The following EDA variants were observed in gnomAD, a reference collection of about 807,000 sequenced individuals.
EDA encodes ectodysplasin-A.
EDA carries 2 observed loss-of-function variants against 23.6 expected under a neutral mutation model. The observed-to-expected ratio is 0.08, with a 90% CI of 0.03 to 0.27. The LOEUF is 0.27. Among genes scored for constraint, EDA ranks in the 10% least tolerant of loss-of-function variants. The pLI, the probability that EDA is intolerant of heterozygous loss-of-function variation, is 1.00. For missense variants in EDA, 229 were observed against 324.2 expected (o/e 0.71, Z 2.26); for synonymous variants, 131 against 132.0 (o/e 0.99, Z 0.05).
rs777740103 is a variant in EDA, at chrX:69,678,955, G to C, written c.396+62251G>C. ...CCCATTCAGTATGATATTGGCTGTG[G>C]GTTTGTCATAGATAGCTCTTATTAT... On this transcript the variant is annotated intron_variant, in intron 1 of 7. Transcript: ENST00000374552. Among the ~76,000 whole-genome samples, 125 of 91,467 alleles carry C rather than the reference G, an allele frequency of 1.4e-3. 1 individual carries two copies. The highest frequency in any genetic ancestry group is 2.1e-3 in the Non-Finnish European group (100 of 47,338). 79.4% of individuals were successfully genotyped at this position (91,467 alleles called of 115,157 possible). A position where few individuals can be genotyped will look rare whatever the true frequency, so the allele number is the denominator to read the frequency against.
intron 1 of EDA, among the ~76,000 whole-genome samples, chrX:69,653,587 A>G (rs1484454414): frequency 1.8e-5 from 2 of 111,342 alleles, no homozygotes; most frequent in Non-Finnish European, 3.8e-5. Context: ...GTTTTTGCCC[A>G]TTCAGTATGA....
At position 70,019,090 on chromosome X, in the gene EDA, A is replaced by G. The variant is rs2019994675; in HGVS notation, c.503-4128A>G. Among the ~76,000 whole-genome samples, 3 of 112,400 alleles carry G rather than the reference A, an allele frequency of 2.7e-5. No individual in the cohort carries two copies. The South Asian group carries it at 1.1e-3, about 41-fold the overall frequency. On this transcript the variant is annotated intron_variant, in intron 2 of 7. Coordinates refer to ENST00000374552, the MANE Select transcript of EDA (RefSeq NM_001399.5). ...ATACATGAGCAGTAAGCACATGAAAAAATGCTCAGCATCACTGATCATTAG... is the reference window on the plus strand; with the variant it reads ...ATACATGAGCAGTAAGCACATGAAAGAATGCTCAGCATCACTGATCATTAG...
chrX:69,836,446 C>T (rs2016777117), intron 1 of EDA, among the ~76,000 whole-genome samples: 2 of 112,465 alleles, frequency 1.8e-5, no homozygotes. Context: ...CAATGGCAGA[C>T]GCCCCTCCCC....
At chrX:69,885,968 A>G (rs2017823400) in intron 1 of EDA, among the ~76,000 whole-genome samples, 1 of 112,086 alleles carries the variant, frequency 8.9e-6, no homozygotes, top group Admixed American at 9.4e-5. Context: ...TAATTGTACA[A>G]GATCAATCCT....
At chrX:69,799,985 A>G (rs2015642692) in intron 1 of EDA, among the ~76,000 whole-genome samples, 1 of 112,125 alleles carries the variant, frequency 8.9e-6, no homozygotes, top group Non-Finnish European at 1.9e-5. Flanking sequence ...CCATCAATGG[A>G]TGAATGGAGA....
At chrX:69,836,338 C>T (rs1037733933) in intron 1 of EDA, among the ~76,000 whole-genome samples, 1 of 99,613 alleles carries the variant, frequency 1.0e-5, no homozygotes, top group African/African-American at 3.9e-5. Flanking sequence ...GCCCTGCCCC[C>T]AGAGGTAGAG....
intron 1 of EDA, among the ~76,000 whole-genome samples, chrX:69,905,588 C>T (rs1240693162): frequency 1.8e-5 from 2 of 111,696 alleles, no homozygotes; most frequent in Non-Finnish European, 3.8e-5. Context: ...TTCTTCTTGG[C>T]ATCCCTTCTC....
intron 1 of EDA, chrX:69,938,167 C>T (rs768101306): frequency 1.6e-4 from 89 of 550,900 alleles, no homozygotes; most frequent in Non-Finnish European, 2.0e-4. Context: ...AGACAGCACC[C>T]GGCGGCAGTG....
At chrX:69,956,705 A>G (rs938299312) in intron 1 of EDA, among the ~76,000 whole-genome samples, 2 of 111,768 alleles carry the variant, frequency 1.8e-5, no homozygotes, top group Non-Finnish European at 3.8e-5. Context: ...CATCCTCAGT[A>G]TGTGTGGGAA....
intron 1 of EDA, among the ~76,000 whole-genome samples, chrX:69,935,748 C>T (rs73545318): frequency 9.1e-6 from 1 of 110,222 alleles, no homozygotes; most frequent in African/African-American, 3.3e-5. Context: ...CTACATCCTA[C>T]ACATGCTCTG....
intron 1 of EDA, among the ~76,000 whole-genome samples, chrX:69,838,986 C>T (rs2016840397): frequency 9.0e-6 from 1 of 111,633 alleles, no homozygotes; most frequent in Non-Finnish European, 1.9e-5. Flanking sequence ...GTTTGAAAAC[C>T]CCTCCTGTCC....
At chrX:69,635,512 T>A (rs905719418) in intron 1 of EDA, among the ~76,000 whole-genome samples, 1 of 109,755 alleles carries the variant, frequency 9.1e-6, no homozygotes, top group Non-Finnish European at 1.9e-5. Flanking sequence ...AGAAGTGGAA[T>A]TGTTCTAGAT....
chrX:69,873,526 A>T (rs1403948867), intron 1 of EDA, among the ~76,000 whole-genome samples: 3 of 112,560 alleles, frequency 2.7e-5, no homozygotes, highest in African/African-American at 9.7e-5. Context: ...AAGAGAGAAG[A>T]TCCAAAGAAG....
At chrX:70,014,044 A>C (rs193088187) in intron 2 of EDA, among the ~76,000 whole-genome samples, 271 of 112,268 alleles carry the variant, frequency 2.4e-3, no homozygotes, top group African/African-American at 8.4e-3. Flanking sequence ...GCCCTCTGCC[A>C]TTGCCACTGC....
At position 69,616,367 on chromosome X, in the gene EDA, G is replaced by A. The variant is rs1338034175; in HGVS notation, c.59G>A (p.Arg20Gln). The A allele has an allele frequency of 1.7e-6, 2 of 1,208,096 alleles. No individual in the cohort carries two copies. The highest frequency in any genetic ancestry group is 1.1e-6 in the Non-Finnish European group (1 of 894,844). Residue 20 changes from arginine to glutamine, a missense_variant, in exon 1 of 8, where the codon CGA (arginine) becomes CAA (glutamine). By Grantham distance (43) the Arg-to-Gln change is conservative. Transcript: ENST00000374552. ...CTGCCTGCAGCAGCGCCGCGGGAGCGAGGGAGCCAGGGCTGCGGGTGTGGC... is the reference window on the plus strand; with the variant it reads ...CTGCCTGCAGCAGCGCCGCGGGAGCAAGGGAGCCAGGGCTGCGGGTGTGGC... ...ELLPAAAPRERGSQGCGCGGA... is the reference protein window; with the variant it reads ...ELLPAAAPREQGSQGCGCGGA...
At chrX:69,981,072 A>G (rs1264603475) in intron 2 of EDA, among the ~76,000 whole-genome samples, 1 of 111,694 alleles carries the variant, frequency 9.0e-6, no homozygotes, top group East Asian at 2.8e-4. Context: ...GTCTCTTGGT[A>G]GAAAAGCTTA....
At chrX:69,685,912 A>G (rs1266049406) in intron 1 of EDA, among the ~76,000 whole-genome samples, 6 of 113,255 alleles carry the variant, frequency 5.3e-5, no homozygotes, top group Admixed American at 2.8e-4. Context: ...AAACCAATGC[A>G]TGTTAACATA....
At chrX:69,623,519 A>G (rs1932266537) in intron 1 of EDA, among the ~76,000 whole-genome samples, 1 of 111,844 alleles carries the variant, frequency 8.9e-6, no homozygotes, top group South Asian at 3.7e-4. Flanking sequence ...ATTTCAACAT[A>G]TGAATTTTGG....
At chrX:69,727,145 G>A (rs1439892761) in intron 1 of EDA, among the ~76,000 whole-genome samples, 1 of 111,433 alleles carries the variant, frequency 9.0e-6, no homozygotes, top group African/African-American at 3.3e-5. Context: ...TTCCCCCAGA[G>A]TTCGGCTGTC....
Sources: gnomAD v4.1 joint callset for allele counts (sites outside exome capture counted in the v4.1 genomes callset) on GRCh38, gnomAD v4.1.1 for gene constraint, MANE v1.5 for transcripts, NCBI Gene and HGNC (gene_info 2026-07-23, HGNC 2026-07-21) for gene names.